CRYBG1: variants seen among roughly 807,000 people sequenced by gnomAD.
The protein encoded by CRYBG1 is crystallin beta-gamma domain containing 1.
A neutral mutation model predicts 189.2 loss-of-function variants in CRYBG1; 139 were observed. The observed-to-expected ratio is 0.73, with a 90% confidence interval of 0.64 to 0.85. CRYBG1 has a LOEUF of 0.85. CRYBG1 is among the 40% of genes least tolerant of loss of function. The pLI, the probability that CRYBG1 is intolerant of heterozygous loss-of-function variation, is 0.00. For synonymous variants in CRYBG1, 1,023 were observed against 1,017.1 expected (o/e 1.01, Z -0.11); for missense variants, 2,611 against 2,675.8 (o/e 0.98, Z 0.53).
intron 1 of CRYBG1, among the ~76,000 whole-genome samples, chr6:106,379,904 T>G (rs1425654265): frequency 6.6e-6 from 1 of 152,180 alleles, no homozygotes; most frequent in East Asian, 1.9e-4. Context: ...TAATTACAGA[T>G]CACACTAAGG....
intron 2 of CRYBG1, among the ~76,000 whole-genome samples, chr6:106,456,139 GT>G (rs1200502680): frequency 6.6e-6 from 1 of 152,088 alleles, no homozygotes; most frequent in East Asian, 1.9e-4. Flanking sequence ...AACCACTATT[GT>G]TTTTGACAGC....
chr6:106,411,091 T>G (rs1451697482), intron 1 of CRYBG1, among the ~76,000 whole-genome samples: 1 of 152,190 alleles, frequency 6.6e-6, no homozygotes, highest in Non-Finnish European at 1.5e-5. Context: ...ATTTTAATCT[T>G]AAGAACTGGG....
chr6:106,561,261 G>T, intron 19 of CRYBG1, 81 bp from the exon 20 acceptor site: 2 of 1,449,616 alleles, frequency 1.4e-6, no homozygotes, highest in Non-Finnish European at 1.9e-6. Context: ...TCTCACTTTG[G>T]ATTCTTCCTG....
chr6:106,447,497 T>A (rs1771684748), intron 1 of CRYBG1, among the ~76,000 whole-genome samples: 1 of 151,044 alleles, frequency 6.6e-6, no homozygotes, highest in South Asian at 2.1e-4. Flanking sequence ...GCCCCATTCT[T>A]GATGATGTGA....
intron 17 of CRYBG1, among the ~76,000 whole-genome samples, chr6:106,558,212 C>T (rs970268023): frequency 2.1e-5 from 3 of 143,588 alleles, no homozygotes; most frequent in African/African-American, 7.7e-5. Flanking sequence ...TTGATATTCC[C>T]AGCGTATACC....
At chr6:106,455,544 TA>T (rs1771868949) in intron 2 of CRYBG1, among the ~76,000 whole-genome samples, 1 of 151,704 alleles carries the variant, frequency 6.6e-6, no homozygotes, top group South Asian at 2.1e-4. Context: ...TAAAATATAA[TA>T]TCTTCAAAGA....
At chr6:106,446,814 G>A (rs1303890714) in intron 1 of CRYBG1, among the ~76,000 whole-genome samples, 7 of 152,210 alleles carry the variant, frequency 4.6e-5, no homozygotes, top group African/African-American at 1.4e-4. Flanking sequence ...ACAATTCTGG[G>A]ATTTGTCTGA....
chr6:106,494,834 T>C (rs1006310175), intron 2 of CRYBG1, among the ~76,000 whole-genome samples: 2 of 152,212 alleles, frequency 1.3e-5, no homozygotes, highest in Non-Finnish European at 2.9e-5. Context: ...ATAATGTATA[T>C]TTTTGTTTTT....
chr6:106,457,956 A>G (rs1771922593), intron 2 of CRYBG1, among the ~76,000 whole-genome samples: 1 of 152,268 alleles, frequency 6.6e-6, no homozygotes, highest in Non-Finnish European at 1.5e-5. Flanking sequence ...TAGATGCATT[A>G]ATAAACTATG....
chr6:106,531,117 G>T, intron 8 of CRYBG1, among the ~76,000 whole-genome samples: 1 of 152,116 alleles, frequency 6.6e-6, no homozygotes, highest in Non-Finnish European at 1.5e-5. Context: ...TCCCTAAAGT[G>T]GTATGGAGTA....
chr6:106,538,951 C>G (rs1774066580), intron 8 of CRYBG1, among the ~76,000 whole-genome samples: 1 of 151,898 alleles, frequency 6.6e-6, no homozygotes, highest in African/African-American at 2.4e-5. Flanking sequence ...TCATTCCAGC[C>G]TTTCATACTT....
At chr6:106,385,205 T>C (rs1317855091) in intron 1 of CRYBG1, among the ~76,000 whole-genome samples, 1 of 152,176 alleles carries the variant, frequency 6.6e-6, no homozygotes, top group Non-Finnish European at 1.5e-5. Flanking sequence ...TAGAAAACCA[T>C]CTCACTTCTG....
chr6:106,448,472 C>A (rs1281853517), intron 1 of CRYBG1, among the ~76,000 whole-genome samples: 1 of 152,144 alleles, frequency 6.6e-6, no homozygotes, highest in African/African-American at 2.4e-5. Flanking sequence ...GAGATCATGA[C>A]CCCAAGTATA....
chr6:106,445,700 T>C (rs1375749566), intron 1 of CRYBG1, among the ~76,000 whole-genome samples: 2 of 152,342 alleles, frequency 1.3e-5, no homozygotes, highest in East Asian at 3.9e-4. Context: ...AAACTGAGGC[T>C]TAAAGAAGTA....
chr6:106,521,388 C>T lies in CRYBG1; in HGVS notation c.4180C>T (p.Leu1394Phe), dbSNP rs1773608926. ...AAACAGTGACACCGACTTCATGGGT[C>T]TTTTCAAATCAAGCCGGTATGACCC... ...CANSDTDFMGLFKSSRYDPSI... is the reference protein window; with the variant it reads ...CANSDTDFMGFFKSSRYDPSI... Residue 1394 changes from leucine to phenylalanine, a missense_variant, in exon 4 of 22, where the codon CTT (leucine) becomes TTT (phenylalanine). Physicochemically the swap from Leu to Phe is conservative, Grantham distance 22 (BLOSUM62 0). Transcript: ENST00000633556. The T allele has an allele frequency of 1.1e-5, 18 of 1,612,024 alleles. No individual in the cohort carries two copies. Among genetic ancestry groups the T allele is most frequent in the Non-Finnish European group, 1.5e-5 (18 of 1,179,460 alleles).
At position 106,520,687 on chromosome 6, in the gene CRYBG1, G is replaced by A; in HGVS notation, c.3479G>A (p.Gly1160Asp). ...TTTGATCCCAAAGTGTTTACCTTTG[G>A]TTTGGGGAAGAAGAAGGAAAGTCAG... ...KVFDPKVFTF[G>D]LGKKKESQPE... The change falls in exon 4 of 22, where the codon GGT (glycine) becomes GAT (aspartate). Residue 1160 changes from glycine to aspartate, a missense_variant. Coordinates refer to ENST00000633556, the MANE Select transcript of CRYBG1 (RefSeq NM_001371242.2). 6.2e-7 allele frequency: 1 copy of A among 1,614,168 alleles called. No homozygotes were observed. Among genetic ancestry groups the A allele is most frequent in the Non-Finnish European group, 8.5e-7 (1 of 1,180,036 alleles).
At chr6:106,530,978 A>G (rs1582821537) in intron 8 of CRYBG1, among the ~76,000 whole-genome samples, 1 of 152,302 alleles carries the variant, frequency 6.6e-6, no homozygotes, top group East Asian at 1.9e-4. Flanking sequence ...TTATTTTTGT[A>G]TATGTTTTCT....
Position 106,451,670 on chromosome 6 carries a change from T to C in CRYBG1, c.174-24T>C, listed in dbSNP as rs140460323. On this transcript the variant is annotated intron_variant, in intron 1 of 21. Transcript: ENST00000633556. Reference sequence around the variant, plus strand: ...TGGCATTGTTCATAGTGTATTGACATGACTGTGGTTCCGTTCTTTGCAGAG... The same window carrying C: ...TGGCATTGTTCATAGTGTATTGACACGACTGTGGTTCCGTTCTTTGCAGAG... 1,879 of 1,526,998 alleles carry C rather than the reference T, an allele frequency of 1.2e-3. 3 individuals carry two copies. Among genetic ancestry groups the C allele is most frequent in the Middle Eastern group, 1.5e-3 (9 of 5,958 alleles). 94.6% of individuals were successfully genotyped at this position (1,526,998 alleles called of 1,614,324 possible).
chr6:106,424,507 G>T (rs1242170373), intron 1 of CRYBG1, among the ~76,000 whole-genome samples: 1 of 151,932 alleles, frequency 6.6e-6, no homozygotes, highest in Non-Finnish European at 1.5e-5. Context: ...TGTCACCCAG[G>T]CTGGAGTGAA....
Sources: allele counts gnomAD v4.1 joint callset (sites outside exome capture counted in the v4.1 genomes callset), GRCh38; gene constraint gnomAD v4.1.1; transcripts MANE v1.5; gene names NCBI Gene and HGNC (gene_info 2026-07-23, HGNC 2026-07-21).